WNK1: variants seen among roughly 807,000 people sequenced by gnomAD.
WNK1 encodes WNK lysine deficient protein kinase 1, also known as serine/threonine-protein kinase WNK1.
WNK1 carries 38 observed loss-of-function variants against 222.8 expected under a neutral mutation model. The observed-to-expected ratio is 0.17, with a 90% CI of 0.13 to 0.22. WNK1 has a LOEUF of 0.22. WNK1 is among the 10% of genes least tolerant of loss of function. The probability of loss-of-function intolerance (pLI) is 1.00; values close to 1 mark genes in which losing one functional copy is unlikely to be tolerated. For missense variants in WNK1, 2,348 were observed against 2,918.4 expected, an observed-to-expected ratio of 0.80 and a Z score of 4.50; for synonymous variants, 1,090 against 1,092.9, an observed-to-expected ratio of 1.00 and a Z score of 0.05.
At chr12:818,781 C>T (rs1024756454) in intron 2 of WNK1, among the ~76,000 whole-genome samples, 1 of 152,198 alleles carries the variant, frequency 6.6e-6, no homozygotes, top group Admixed American at 6.5e-5. Context: ...CGAGGATCAT[C>T]GTGATTGCAC....
intron 2 of WNK1, among the ~76,000 whole-genome samples, chr12:825,871 T>G (rs968251037): frequency 1.3e-5 from 2 of 152,234 alleles, no homozygotes; most frequent in African/African-American, 4.8e-5. Context: ...CTATTTAACA[T>G]TTTTAGTGCT....
intron 1 of WNK1, among the ~76,000 whole-genome samples, chr12:772,318 C>CA (rs1167993271): frequency 6.6e-6 from 1 of 152,130 alleles, no homozygotes; most frequent in Non-Finnish European, 1.5e-5. Flanking sequence ...TGTTTTACCA[C>CA]ATAGCAAAAG....
At chr12:851,617 TG>T (rs1950424988) in intron 4 of WNK1, 1 of 1,261,492 alleles carries the variant, frequency 7.9e-7, no homozygotes. Flanking sequence ...GCCTTCCTTA[TG>T]CTGTGGGCTG....
chr12:780,719 C>T (rs1344248297), intron 1 of WNK1, among the ~76,000 whole-genome samples: 1 of 152,126 alleles, frequency 6.6e-6, no homozygotes, highest in Non-Finnish European at 1.5e-5. Flanking sequence ...TTATTTTGAG[C>T]GTTAGAGTGG....
chr12:760,940 A>ATT lies in WNK1; in HGVS notation c.759+6631_759+6632dup, dbSNP rs11284313. Among the ~76,000 whole-genome samples, 762 of 130,098 alleles carry ATT rather than the reference A, an allele frequency of 5.9e-3. 20 individuals carry two copies. Among genetic ancestry groups the ATT allele is most frequent in the African/African-American group, 0.018 (681 of 37,214 alleles). 85.3% of individuals were successfully genotyped at this position (130,098 alleles called of 152,430 possible). ...AGGCACCCACAACCACACCCGGCTA[A>ATT]TTTTTTTTTTTTTTTTGTATTTTTA... is the stretch of plus-strand genomic sequence containing the variant. On this transcript the variant is annotated intron_variant, in intron 1 of 27. Coordinates refer to ENST00000315939, the MANE Select transcript of WNK1 (RefSeq NM_018979.4).
At chr12:889,765 G>A (rs1954032127) in intron 21 of WNK1, among the ~76,000 whole-genome samples, 1 of 152,112 alleles carries the variant, frequency 6.6e-6, no homozygotes, top group Non-Finnish European at 1.5e-5. Context: ...CTTGCAGTGA[G>A]CCGAGATTGC....
rs534111868 is a variant in WNK1 at position 765,232 on chromosome 12, C to T, written c.759+10908C>T. Among the ~76,000 whole-genome samples the T allele has an allele frequency of 2.0e-4, 29 of 147,916 alleles. 3 individuals carry two copies. The highest frequency in any genetic ancestry group is 1.6e-3 in the Admixed American group (24 of 14,886). ...AGTGCTCAGTGACAACATGTGGCTA[C>T]GATATTGGATTGCACAGATAAAGAA... On this transcript the variant is annotated intron_variant, in intron 1 of 27. Coordinates refer to ENST00000315939, the MANE Select transcript of WNK1 (RefSeq NM_018979.4).
At chr12:883,975 C>G in intron 17 of WNK1, 144 bp downstream of exon 17, 1 of 1,478,340 alleles carries the variant, frequency 6.8e-7, no homozygotes, top group Non-Finnish European at 9.3e-7. Flanking sequence ...TTGCAGTGAG[C>G]TGAGATCGCG....
Position 884,266 on chromosome 12 carries a change from T to A in WNK1, c.3844+23T>A. The stretch of plus-strand genomic sequence containing the variant: ...CAGGTAAGGGATTGATTCTGCCACA[T>A]TGTTATGTAAATTCTACAGTGCCTC... On this transcript the variant is annotated intron_variant, in intron 18 of 27. Coordinates refer to ENST00000315939, the MANE Select transcript of WNK1 (RefSeq NM_018979.4). This position sits in a 1 kb window ranked among gnomAD's most constrained non-coding sequence, Gnocchi z 5.6. 1 of 1,613,726 alleles carries A rather than the reference T, an allele frequency of 6.2e-7. No individual in the cohort carries two copies. Among genetic ancestry groups the A allele is most frequent in the Non-Finnish European group, 8.5e-7 (1 of 1,179,770 alleles).
At chr12:823,898 ATCTTTT>A (rs1948119774) in intron 2 of WNK1, among the ~76,000 whole-genome samples, 1 of 125,304 alleles carries the variant, frequency 8.0e-6, no homozygotes, top group South Asian at 2.6e-4. Context: ...TATCAGAGAC[ATCTTTT>A]TTTTTTTTTT....
At chr12:864,282 A>AT (rs1026170858) in intron 8 of WNK1, among the ~76,000 whole-genome samples, 2 of 151,010 alleles carry the variant, frequency 1.3e-5, no homozygotes, top group Non-Finnish European at 3.0e-5. Flanking sequence ...TAATTTTTGT[A>AT]TTTTTTTTAG....
chr12:841,879 C>T (rs1949654891), intron 4 of WNK1, among the ~76,000 whole-genome samples: 1 of 152,190 alleles, frequency 6.6e-6, no homozygotes, highest in Non-Finnish European at 1.5e-5. Context: ...CTCTCATGAC[C>T]TGATCACCTC....
At chr12:763,307 G>C (rs1455363069) in intron 1 of WNK1, among the ~76,000 whole-genome samples, 1 of 147,474 alleles carries the variant, frequency 6.8e-6, no homozygotes, top group East Asian at 2.0e-4. Flanking sequence ...TTGTTGGCTA[G>C]GCGTGGTGGC....
chr12:801,589 T>C (rs1251614919), intron 1 of WNK1, among the ~76,000 whole-genome samples: 1 of 150,224 alleles, frequency 6.7e-6, no homozygotes, highest in African/African-American at 2.5e-5. Context: ...TTTTTTTTTT[T>C]AAGAGACAAG....
Position 905,180 on chromosome 12 carries a change from G to A in WNK1, c.6644-2667G>A, listed in dbSNP as rs529905657. Among the ~76,000 whole-genome samples the A allele has an allele frequency of 9.8e-5, 15 of 152,302 alleles. 1 individual carries two copies. The South Asian group carries it at 3.1e-3, about 32-fold the overall frequency. On this transcript the variant is annotated intron_variant, in intron 26 of 27. Coordinates refer to ENST00000315939, the MANE Select transcript of WNK1 (RefSeq NM_018979.4). ...AGGGCTTTTCAGAAGAACTAAAAAA[G>A]GTTAAGAAGTTAGCATATTCTCTCA...
intron 1 of WNK1, among the ~76,000 whole-genome samples, chr12:776,780 C>T (rs1357906056): frequency 6.6e-6 from 1 of 152,014 alleles, no homozygotes; most frequent in Non-Finnish European, 1.5e-5. Flanking sequence ...TGGGCTGGTG[C>T]TTTGGGAGAG....
In WNK1 at chr12:758,373, CTTTTTTTTTTTT is replaced by C. The variant is rs397957357; in HGVS notation, c.759+4063_759+4074del. ...CATCATTTATTTCTTTGCTATAGTT[CTTTTTTTTTTTT>C]TTTTTTTTTTTTTGAGACGGAGTCT... On this transcript the variant is annotated intron_variant, in intron 1 of 27. Coordinates refer to ENST00000315939, the MANE Select transcript of WNK1 (RefSeq NM_018979.4). Among the ~76,000 whole-genome samples, 5 of 64,728 alleles carry C rather than the reference CTTTTTTTTTTTT, an allele frequency of 7.7e-5. 1 individual carries two copies. The highest frequency in any genetic ancestry group is 7.5e-4 in the South Asian group (1 of 1,336). The allele number at this position is 64,728 out of a possible 152,430, so 42.5% of individuals were successfully genotyped here.
intron 15 of WNK1, 107 bp from the exon 16 acceptor site, chr12:883,288 A>G: frequency 1.5e-6 from 2 of 1,348,178 alleles, no homozygotes; most frequent in Non-Finnish European, 2.1e-6. Context: ...CTTGAGTACA[A>G]AATAAATAAA....
intron 1 of WNK1, among the ~76,000 whole-genome samples, chr12:782,955 T>G (rs1422178038): frequency 6.6e-6 from 1 of 151,864 alleles, no homozygotes; most frequent in Non-Finnish European, 1.5e-5. Context: ...TGGAGTGCAG[T>G]GAGTGGTGCA....
Sources: allele counts gnomAD v4.1 joint callset (sites outside exome capture counted in the v4.1 genomes callset), GRCh38; gene constraint gnomAD v4.1.1; non-coding constraint Gnocchi (gnomAD v3.1); transcripts MANE v1.5; gene names NCBI Gene and HGNC (gene_info 2026-07-23, HGNC 2026-07-21).